The following CYP2A6 variants were observed in gnomAD, a reference collection of about 807,000 sequenced individuals.
CYP2A6 encodes cytochrome P450 2A6.
Under a neutral mutation model 42.3 loss-of-function variants are expected in CYP2A6, and 27 were observed. The observed-to-expected ratio is 0.64, with a 90% CI of 0.47 to 0.88. The LOEUF (loss-of-function observed/expected upper bound fraction) is 0.88, where lower values mean the gene tolerates loss of function less well. Ranked by LOEUF, CYP2A6 falls within the 40% of genes least tolerant of loss-of-function variation. The pLI, the probability that CYP2A6 is intolerant of heterozygous loss-of-function variation, is 0.00. For synonymous variants in CYP2A6, 238 were observed against 246.3 expected (o/e 0.97, Z 0.31); for missense variants, 628 against 646.0 (o/e 0.97, Z 0.30).
In CYP2A6 at chr19:40,846,912, C is replaced by T. The variant is rs140471703; in HGVS notation, c.794G>A (p.Arg265Gln). ...NQRTLDPNSP[R>Q]DFIDSFLIRM... Reference sequence around the variant, plus strand: ...GATGAGAAAGGAGTCAATGAAGTCCCGTGGGGAATTGGGATCCAGCGTGCG... The same window carrying T: ...GATGAGAAAGGAGTCAATGAAGTCCTGTGGGGAATTGGGATCCAGCGTGCG... Residue 265 changes from arginine (R) to glutamine (Q), a missense_variant, in exon 5 of 9, where the codon CGG (arginine) becomes CAG (glutamine). Physicochemically the swap from Arg to Gln is conservative, Grantham distance 43. This residue lies in a region of CYP2A6 where 606 missense variants were observed against 568.1 expected (regional missense o/e 1.07). Coordinates refer to ENST00000301141, the MANE Select transcript of CYP2A6 (RefSeq NM_000762.6). 250 of 1,611,812 alleles carry T rather than the reference C, an allele frequency of 1.6e-4. 7 individuals carry two copies. In the African/African-American group the frequency reaches 2.0e-3, roughly 13 times the overall value.
rs369357668 is a variant in CYP2A6, at chr19:40,850,212, C to T, written c.180+35G>A. 2.5e-6 allele frequency: 4 copies of T among 1,592,034 alleles called. No homozygotes were observed. In the African/African-American group the frequency reaches 5.4e-5, roughly 21 times the overall value. The stretch of plus-strand genomic sequence containing the variant: ...AAGCCCCAGCCAACTAGGCAGCCCC[C>T]ACCCCGTGCCACCCATCTCCCTGCC... On this transcript the variant is annotated intron_variant, in intron 1 of 8. Transcript: ENST00000301141.
In CYP2A6 at chr19:40,843,562, T is replaced by C. The variant is rs2145118621; in HGVS notation, c.*234A>G. 1 of 707,674 alleles carries C rather than the reference T, an allele frequency of 1.4e-6. No homozygotes were observed. The highest frequency in any genetic ancestry group is 3.3e-5 in the Admixed American group (1 of 29,972). The allele number at this position is 707,674 out of a possible 1,614,324, so 43.8% of individuals were successfully genotyped here. A position where few individuals can be genotyped will look rare whatever the true frequency, so the allele number is the denominator to read the frequency against. On this transcript the variant is annotated 3_prime_UTR_variant, in exon 9 of 9. Transcript: ENST00000301141. ...GTGCTCAGGAAATAAGAGCTGCTAT[T>C]ATTACTACTCTTCATAGCATAATGT...
chr19:40,845,484 G>C lies in CYP2A6; in HGVS notation c.974-3C>G. ...GTCAATCTCCTCATGGACCTTGGCTGGGGGAGGAGGGGGAATGTGTTTAGG... is the reference window on the plus strand; with the variant it reads ...GTCAATCTCCTCATGGACCTTGGCTCGGGGAGGAGGGGGAATGTGTTTAGG... On this transcript the variant is annotated splice_region_variant and splice_polypyrimidine_tract_variant and intron_variant, in intron 6 of 8. Transcript: ENST00000301141. 3 of 1,611,294 alleles carry C rather than the reference G, an allele frequency of 1.9e-6. No homozygotes were observed. Among genetic ancestry groups the C allele is most frequent in the Non-Finnish European group, 2.5e-6 (3 of 1,179,538 alleles).
At position 40,843,585 on chromosome 19, in the gene CYP2A6, T is replaced by C. The variant is rs944807274; in HGVS notation, c.*211A>G. 21 of 873,294 alleles carry C rather than the reference T, an allele frequency of 2.4e-5. No individual in the cohort carries two copies. Among genetic ancestry groups the C allele is most frequent in the African/African-American group, 5.2e-5 (3 of 57,486 alleles). 54.1% of individuals were successfully genotyped at this position (873,294 alleles called of 1,614,324 possible). ...ATTATTACTACTCTTCATAGCATAA[T>C]GTAAGGGTTTCCTTCCTCTCATCCC... is the stretch of plus-strand genomic sequence containing the variant. On this transcript the variant is annotated 3_prime_UTR_variant, in exon 9 of 9. Coordinates refer to ENST00000301141, the MANE Select transcript of CYP2A6 (RefSeq NM_000762.6).
rs546724333 is a variant in CYP2A6, at chr19:40,850,364, C to T, written c.63G>A (p.Met21Ile). The part of the protein sequence containing the change: ...LLVCLTVMVL[M>I]SVWQQRKSKG... ...TGCTCTTCCTCTGCTGCCAAACAGA[C>T]ATCAAGACCATTACAGTCAGGCAGA... Residue 21 changes from methionine to isoleucine, a missense_variant, in exon 1 of 9, where the codon ATG (methionine) becomes ATA (isoleucine). By Grantham distance (10) the Met-to-Ile change is conservative. This residue lies in a region of CYP2A6 where 606 missense variants were observed against 568.1 expected (regional missense o/e 1.07). Transcript: ENST00000301141. 36 of 1,610,264 alleles carry T rather than the reference C, an allele frequency of 2.2e-5. 2 individuals carry two copies. In the South Asian group the frequency reaches 2.4e-4, roughly 11 times the overall value.
chr19:40,844,393 C>A (rs2083445118), intron 8 of CYP2A6, among the ~76,000 whole-genome samples: 2 of 151,354 alleles, frequency 1.3e-5, no homozygotes, highest in Admixed American at 6.6e-5. Flanking sequence ...TCTGAGGAAT[C>A]TGCTGTGTGA....
At position 40,846,104 on chromosome 19, in the gene CYP2A6, G is replaced by A; in HGVS notation, c.832-7C>T. The A allele has an allele frequency of 6.2e-7, 1 of 1,611,270 alleles. No homozygotes were observed. Among genetic ancestry groups the A allele is most frequent in the Non-Finnish European group, 8.5e-7 (1 of 1,179,722 alleles). On this transcript the variant is annotated splice_region_variant and splice_polypyrimidine_tract_variant and intron_variant, in intron 5 of 8. Coordinates refer to ENST00000301141, the MANE Select transcript of CYP2A6 (RefSeq NM_000762.6). ...TGTTGGGGTTCTTCTCCTCCTGCAG[G>A]GAGAGGGGGCTTTAGGCCAACCTCA...
In CYP2A6 at chr19:40,847,049, G is replaced by T. The variant is rs1284294132; in HGVS notation, c.657C>A (p.Leu219=). ...TCATCACCGAAGAGAACATCTCATA[G>T]AGCTGGGGTTGCAGAGAGAGGATGG... The part of the protein sequence containing the change: ...FQFTSTSTGQ[L]YEMFSSVMKH... Residue 219 remains leucine, a splice_region_variant and synonymous_variant, in exon 5 of 9, where the codon CTC becomes CTA. Transcript: ENST00000301141. 2.5e-6 allele frequency: 4 copies of T among 1,611,140 alleles called. No homozygotes were observed. The highest frequency in any genetic ancestry group is 1.7e-5 in the Admixed American group (1 of 59,918).
At chr19:40,849,005 A>G (rs1212570319) in intron 2 of CYP2A6, among the ~76,000 whole-genome samples, 4 of 83,448 alleles carry the variant, frequency 4.8e-5, no homozygotes, top group African/African-American at 1.9e-4. Context: ...AGAGAGAGAG[A>G]GAGAGAAGAG....
chr19:40,848,987 GGAGA>G (rs1265457431), intron 2 of CYP2A6, among the ~76,000 whole-genome samples: 1,377 of 90,010 alleles, frequency 0.015, 47 homozygotes, highest in African/African-American at 0.022. Flanking sequence ...AAGAGAGAGA[GGAGA>G]GAGAGAGAGA....
Position 40,848,763 on chromosome 19 carries a change from C to G in CYP2A6, c.344G>C (p.Gly115Ala). 1 of 1,610,880 alleles carries G rather than the reference C, an allele frequency of 6.2e-7. No homozygotes were observed. Among genetic ancestry groups the G allele is most frequent in the Non-Finnish European group, 8.5e-7 (1 of 1,179,682 alleles). The change falls in exon 3 of 9, where the codon GGC becomes GCC. Residue 115 changes from glycine (G) to alanine (A), a missense_variant and splice_region_variant. Physicochemically the swap from Gly to Ala is moderately conservative, Grantham distance 60 (BLOSUM62 0). Around this residue, in one of 2 missense-constraint regions of CYP2A6, gnomAD observed 606 missense variants for 568.1 expected, o/e 1.07. Transcript: ENST00000301141. ...ATFDWVFKGY[G>A]VVFSNGERAK... ...GCGCTCCCCGTTGCTGAATACCACG[C>G]CTGGGGAGGTGAACGCGGGAATGGA...
Position 40,848,255 on chromosome 19 carries a change from T to C in CYP2A6, c.618A>G (p.Leu206=), listed in dbSNP as rs759030360. The C allele has an allele frequency of 1.2e-5, 20 of 1,611,808 alleles. 1 individual carries two copies. Among genetic ancestry groups the C allele is most frequent in the Middle Eastern group, 1.7e-4 (1 of 6,060 alleles). Residue 206 remains leucine (L), a synonymous_variant, in exon 4 of 9, where the codon CTA becomes CTG. Transcript: ENST00000301141. ...AGGTTGACGTGAACTGGAAGATTCC[T>C]AGCATCATGCGCAACAGTGACAGGA... ...KEFLSLLRMM[L]GIFQFTSTST... is the part of the protein sequence containing the mutation.
In CYP2A6 at chr19:40,848,610, T is replaced by C. The variant is rs1388683741; in HGVS notation, c.493+4A>G. On this transcript the variant is annotated splice_donor_region_variant and intron_variant, in intron 3 of 8. Coordinates refer to ENST00000301141, the MANE Select transcript of CYP2A6 (RefSeq NM_000762.6). ...TGCCCCCGCACTCGGGGTCCCCTGC[T>C]CACCGCCAGTGCCCCGGAGGGCGTC... 7 of 1,610,758 alleles carry C rather than the reference T, an allele frequency of 4.3e-6. No individual in the cohort carries two copies. Among genetic ancestry groups the C allele is most frequent in the Non-Finnish European group, 5.1e-6 (6 of 1,179,272 alleles).
In CYP2A6 at chr19:40,848,201, C is replaced by T. The variant is rs777448923; in HGVS notation, c.654+18G>A. On this transcript the variant is annotated intron_variant, in intron 4 of 8. Coordinates refer to ENST00000301141, the MANE Select transcript of CYP2A6 (RefSeq NM_000762.6). ...AGGTTGTGGTAGGGGCGTCACGGGC[C>T]GGGCTGCAGCCAGTTACCTGCCCCG... The T allele has an allele frequency of 4.3e-5, 70 of 1,610,312 alleles. 5 individuals are homozygous for T. The South Asian group carries it at 6.5e-4, about 15-fold the overall frequency.
In CYP2A6 at chr19:40,844,742, C is replaced by A; in HGVS notation, c.1192G>T (p.Val398Leu). Residue 398 changes from valine to leucine, a missense_variant, in exon 8 of 9, where the codon GTG becomes TTG. Transcript: ENST00000301141. ...GAGAAGAAACTGGGGTCTCTCAGCA[C>A]AGAGCCCAGCATAGGGTACACTTCG... The part of the protein sequence containing the change: ...GTEVYPMLGS[V>L]LRDPSFFSNP... 3 of 1,611,560 alleles carry A rather than the reference C, an allele frequency of 1.9e-6. No homozygotes were observed. Among genetic ancestry groups the A allele is most frequent in the African/African-American group, 2.7e-5 (2 of 74,678 alleles).
At chr19:40,844,461 G>T (rs1214665178) in intron 8 of CYP2A6, among the ~76,000 whole-genome samples, 170 bp downstream of exon 8, 2 of 151,372 alleles carry the variant, frequency 1.3e-5, no homozygotes, top group African/African-American at 2.4e-5. Flanking sequence ...CTGGGCGCAG[G>T]TACTGGGTGC....
At position 40,847,295 on chromosome 19, in the gene CYP2A6, T is replaced by C. The variant is rs1203346203; in HGVS notation, c.655-244A>G. Reference sequence around the variant, plus strand: ...GACATATATCCAGGTTTCAGGTATTTAAACGAGGCTGGATTGGAGCACACA... The same window carrying C: ...GACATATATCCAGGTTTCAGGTATTCAAACGAGGCTGGATTGGAGCACACA... On this transcript the variant is annotated intron_variant, in intron 4 of 8. Coordinates refer to ENST00000301141, the MANE Select transcript of CYP2A6 (RefSeq NM_000762.6). Among the ~76,000 whole-genome samples, 25 of 151,374 alleles carry C rather than the reference T, an allele frequency of 1.7e-4. 1 individual carries two copies. The highest frequency in any genetic ancestry group is 5.1e-4 in the African/African-American group (21 of 41,138).
chr19:40,849,672 G>A (rs1158621901), intron 2 of CYP2A6, 146 bp downstream of exon 2: 3 of 1,448,280 alleles, frequency 2.1e-6, no homozygotes, highest in Non-Finnish European at 2.8e-6. Flanking sequence ...ACATGGAGAG[G>A]CCACAATGAA....
Position 40,846,214 on chromosome 19 carries a change from C to A in CYP2A6, c.832-117G>T, listed in dbSNP as rs1967097561. 8.5e-6 allele frequency: 12 copies of A among 1,408,748 alleles called. No homozygotes were observed. The South Asian group carries it at 1.5e-4, about 18-fold the overall frequency. 87.3% of individuals were successfully genotyped at this position (1,408,748 alleles called of 1,614,324 possible). A position where few individuals can be genotyped will look rare whatever the true frequency, so the allele number is the denominator to read the frequency against. On this transcript the variant is annotated intron_variant, in intron 5 of 8. Coordinates refer to ENST00000301141, the MANE Select transcript of CYP2A6 (RefSeq NM_000762.6). Reference sequence around the variant, plus strand: ...CAGACCAAAGGTGGAAAGAGGGACCCTAGATCTACCAGACTCGCTCTAGGT... The same window carrying A: ...CAGACCAAAGGTGGAAAGAGGGACCATAGATCTACCAGACTCGCTCTAGGT...
Sources: gnomAD v4.1 joint callset for allele counts (sites outside exome capture counted in the v4.1 genomes callset) on GRCh38, gnomAD v4.1.1 for gene constraint, gnomAD v4.1.1 regional missense constraint, MANE v1.5 for transcripts, NCBI Gene and HGNC (gene_info 2026-07-23, HGNC 2026-07-21) for gene names.